The following DDX10 variants were observed in gnomAD, a reference collection of about 807,000 sequenced individuals.
DDX10 encodes probable ATP-dependent RNA helicase DDX10.
In DDX10, 74 loss-of-function variants were observed where a neutral mutation model predicts 104.3. That is an observed-to-expected ratio of 0.71 (90% CI 0.59 to 0.86). DDX10 has a LOEUF of 0.86. Among genes scored for constraint, DDX10 ranks in the 40% least tolerant of loss-of-function variants. The probability of loss-of-function intolerance (pLI) is 0.00; values close to 1 mark genes in which losing one functional copy is unlikely to be tolerated. For missense variants in DDX10, 952 were observed against 1,040.0 expected (o/e 0.92, Z 1.16); for synonymous variants, 351 against 353.4 (o/e 0.99, Z 0.08).
At chr11:108,707,457 T>G (rs1477675313) in intron 10 of DDX10, among the ~76,000 whole-genome samples, 1 of 152,232 alleles carries the variant, frequency 6.6e-6, no homozygotes, top group Non-Finnish European at 1.5e-5. Flanking sequence ...GTACATTTCC[T>G]TTTAGTACTG....
intron 16 of DDX10, among the ~76,000 whole-genome samples, chr11:108,917,041 T>C (rs1160945960): frequency 6.6e-6 from 1 of 151,872 alleles, no homozygotes; most frequent in African/African-American, 2.4e-5. Flanking sequence ...TCACTACAAA[T>C]AAGCTTGTAC....
At chr11:108,745,914 A>G (rs544386937) in intron 13 of DDX10, among the ~76,000 whole-genome samples, 1 of 152,122 alleles carries the variant, frequency 6.6e-6, no homozygotes, top group Non-Finnish European at 1.5e-5. Context: ...CTTTTTTGAG[A>G]TGTAATTTCT....
chr11:108,677,297 C>T (rs1370997073), intron 4 of DDX10, 54 bp downstream of exon 4: 15 of 1,504,706 alleles, frequency 1.0e-5, no homozygotes, highest in Non-Finnish European at 1.0e-5. Flanking sequence ...TACTGGAGTA[C>T]TGTGGCCGAT....
intron 13 of DDX10, among the ~76,000 whole-genome samples, chr11:108,834,553 C>T (rs1862521909): frequency 6.6e-6 from 1 of 152,098 alleles, no homozygotes; most frequent in African/African-American, 2.4e-5. Context: ...AAGGTTTACT[C>T]ATGTTCTTTC....
intron 16 of DDX10, among the ~76,000 whole-genome samples, chr11:108,872,996 G>T (rs1313330250): frequency 6.6e-6 from 1 of 152,116 alleles, no homozygotes; most frequent in Non-Finnish European, 1.5e-5. Context: ...CACTGCTCAG[G>T]AGGAGGCCTG....
At chr11:108,813,668 T>C (rs1862217390) in intron 13 of DDX10, among the ~76,000 whole-genome samples, 1 of 152,130 alleles carries the variant, frequency 6.6e-6, no homozygotes. Context: ...TATAAAAGAA[T>C]AAACCCTGGG....
intron 13 of DDX10, among the ~76,000 whole-genome samples, chr11:108,772,679 G>C (rs1443970954): frequency 1.3e-5 from 2 of 152,246 alleles, no homozygotes; most frequent in Non-Finnish European, 1.5e-5. Flanking sequence ...CCACACAGCA[G>C]AAGGTGAGCG....
At chr11:108,917,104 C>T (rs1289494398) in intron 16 of DDX10, among the ~76,000 whole-genome samples, 8 of 151,504 alleles carry the variant, frequency 5.3e-5, no homozygotes, top group Admixed American at 5.3e-4. Context: ...CTCACTCCAT[C>T]ACCCAAGCTG....
At chr11:108,918,126 C>T in intron 17 of DDX10, 108 bp downstream of exon 17, 1 of 1,133,470 alleles carries the variant, frequency 8.8e-7, no homozygotes, top group Non-Finnish European at 1.3e-6. Flanking sequence ...ATGTTTGTTG[C>T]TTTTTTTTGA....
intron 13 of DDX10, 48 bp downstream of exon 13, chr11:108,723,510 G>A (rs11212765): frequency 0.14 from 209,522 of 1,523,928 alleles, 16,185 homozygotes; most frequent in East Asian, 0.26. Context: ...GTCTTACTAT[G>A]TGCTTATTGT....
chr11:108,855,633 G>A (rs76838317), intron 16 of DDX10, among the ~76,000 whole-genome samples: 3,817 of 152,064 alleles, frequency 0.025, 109 homozygotes, highest in African/African-American at 0.07. Context: ...CTAATTTTTT[G>A]TATTTTTAGT....
At chr11:108,855,269 C>T (rs1415045965) in intron 16 of DDX10, among the ~76,000 whole-genome samples, 1 of 152,140 alleles carries the variant, frequency 6.6e-6, no homozygotes, top group Non-Finnish European at 1.5e-5. Flanking sequence ...TCCTGGAATA[C>T]AGCTTTACCT....
In DDX10 at chr11:108,693,508, C is replaced by T. The variant is rs373284598; in HGVS notation, c.1139-8C>T. On this transcript the variant is annotated splice_region_variant and splice_polypyrimidine_tract_variant and intron_variant, in intron 8 of 17. Transcript: ENST00000322536. ...CCAGTTTCTTAACTTCACATCCCTT[C>T]TCTGTAGATTTCCCGGCCGTGAATT... is the stretch of plus-strand genomic sequence containing the variant. 19 of 1,611,194 alleles carry T rather than the reference C, an allele frequency of 1.2e-5. No individual in the cohort carries two copies. Among genetic ancestry groups the T allele is most frequent in the Non-Finnish European group, 1.4e-5 (17 of 1,177,460 alleles).
chr11:108,930,058 T>C (rs564763159), intron 17 of DDX10, among the ~76,000 whole-genome samples: 33 of 152,338 alleles, frequency 2.2e-4, no homozygotes, highest in Admixed American at 3.3e-4. Context: ...CGGCATTGTA[T>C]ATCTTATGGG....
chr11:108,886,464 T>C (rs950378890), intron 16 of DDX10, among the ~76,000 whole-genome samples: 3 of 152,198 alleles, frequency 2.0e-5, no homozygotes, highest in African/African-American at 7.2e-5. Flanking sequence ...CTGTGAAAAT[T>C]CATTCTTCAT....
At chr11:108,782,697 G>T (rs1258526291) in intron 13 of DDX10, among the ~76,000 whole-genome samples, 1 of 151,944 alleles carries the variant, frequency 6.6e-6, no homozygotes, top group Admixed American at 6.6e-5. Context: ...GACCCTGTTT[G>T]CAGTGTCTAC....
At chr11:108,844,268 C>T (rs776286446) in intron 15 of DDX10, among the ~76,000 whole-genome samples, 7 of 151,898 alleles carry the variant, frequency 4.6e-5, no homozygotes, top group Non-Finnish European at 8.8e-5. Context: ...AAAAAAAGCA[C>T]AAAGAAACAA....
chr11:108,879,198 C>G (rs879945021), intron 16 of DDX10, among the ~76,000 whole-genome samples: 2 of 152,072 alleles, frequency 1.3e-5, no homozygotes, highest in African/African-American at 2.4e-5. Context: ...GACCGGGTTT[C>G]ACCATGTTGG....
At chr11:108,759,727 C>A (rs1312157707) in intron 13 of DDX10, among the ~76,000 whole-genome samples, 3 of 151,702 alleles carry the variant, frequency 2.0e-5, no homozygotes, top group Non-Finnish European at 2.9e-5. Flanking sequence ...CTTTTTTTTC[C>A]ATGGATAATA....
Sources: gnomAD v4.1 joint callset for allele counts (sites outside exome capture counted in the v4.1 genomes callset) on GRCh38, gnomAD v4.1.1 for gene constraint, MANE v1.5 for transcripts, NCBI Gene and HGNC (gene_info 2026-07-23, HGNC 2026-07-21) for gene names.